Variants in CDH23 observed in about 807,000 individuals in gnomAD.
CDH23 encodes cadherin related 23.
CDH23 carries 189 observed loss-of-function variants against 317.1 expected under a neutral mutation model. That is an observed-to-expected ratio of 0.60 (90% CI 0.53 to 0.67). The LOEUF (loss-of-function observed/expected upper bound fraction) is 0.67. Ranked by LOEUF, CDH23 falls within the 30% of genes least tolerant of loss-of-function variation. The probability of loss-of-function intolerance (pLI) is 0.00; values close to 1 mark genes in which losing one functional copy is unlikely to be tolerated. For missense variants in CDH23, 4,401 were observed against 4,592.4 expected (o/e 0.96, Z 1.20); for synonymous variants, 1,839 against 1,876.8 (o/e 0.98, Z 0.52).
rs370014467 is a variant in CDH23, at chr10:71,645,888, A to T, written c.1198A>T (p.Ile400Phe). The change falls in exon 13 of 70, where the codon ATC becomes TTC. Residue 400 changes from isoleucine to phenylalanine, a missense_variant. Ile to Phe is a conservative substitution (Grantham distance 21). Transcript: ENST00000224721. ...GGGGAACAACTCCCACCACTTCATC[A>T]TCTCCCCGACCTCCGTCCAGGGGAA... is the stretch of plus-strand genomic sequence containing the variant. Reference protein sequence around the residue: ...LVGNNSHHFIISPTSVQGKAD... With the variant: ...LVGNNSHHFIFSPTSVQGKAD... The T allele has an allele frequency of 2.1e-5, 34 of 1,613,416 alleles. No individual in the cohort carries two copies. The highest frequency in any genetic ancestry group is 2.8e-5 in the Non-Finnish European group (33 of 1,179,580).
chr10:71,670,418 A>G (rs1206557303), intron 14 of CDH23, among the ~76,000 whole-genome samples: 1 of 152,200 alleles, frequency 6.6e-6, no homozygotes, highest in Non-Finnish European at 1.5e-5. Flanking sequence ...CACAGGGAGG[A>G]AAGTGGGGCA....
At chr10:71,661,094 T>C (rs10999937) in intron 14 of CDH23, among the ~76,000 whole-genome samples, 14,413 of 152,148 alleles carry the variant, frequency 0.095, 1,627 homozygotes, top group African/African-American at 0.25. Flanking sequence ...GGCACGAACC[T>C]CCTTGTCTGC....
chr10:71,805,895 G>A lies in CDH23; in HGVS notation c.7962G>A (p.Lys2654=), dbSNP rs1589433551. 18 of 1,613,804 alleles carry A rather than the reference G, an allele frequency of 1.1e-5. No individual in the cohort carries two copies. Among genetic ancestry groups the A allele is most frequent in the Non-Finnish European group, 1.5e-5 (18 of 1,179,844 alleles). The change falls in exon 56 of 70, where the codon AAG becomes AAA. Residue 2654 remains lysine, a synonymous_variant. Transcript: ENST00000224721. ...GGGCGGTGCGCTACAGCTTCCTGAAGACTGCGGGCAACCGGGACTGGGAGT... is the reference window on the plus strand; with the variant it reads ...GGGCGGTGCGCTACAGCTTCCTGAAAACTGCGGGCAACCGGGACTGGGAGT... ...LNGAVRYSFL[K]TAGNRDWEFF... is the part of the protein sequence containing the mutation.
intron 11 of CDH23, among the ~76,000 whole-genome samples, chr10:71,625,693 G>T (rs1055127391): frequency 6.6e-6 from 1 of 152,118 alleles, no homozygotes; most frequent in African/African-American, 2.4e-5. Context: ...CCCTCCCCAC[G>T]CAGCTCTGCA....
intron 45 of CDH23, among the ~76,000 whole-genome samples, chr10:71,789,676 TC>T (rs1337028035): frequency 6.6e-6 from 1 of 152,168 alleles, no homozygotes; most frequent in Non-Finnish European, 1.5e-5. Flanking sequence ...CCCGTGTGTG[TC>T]CATACCAAGG....
intron 3 of CDH23, among the ~76,000 whole-genome samples, chr10:71,480,840 G>A (rs1247875269): frequency 6.6e-6 from 1 of 152,026 alleles, no homozygotes; most frequent in Non-Finnish European, 1.5e-5. Flanking sequence ...GGGTGGACTC[G>A]ATAGCACTTG....
At chr10:71,464,435 C>T (rs1315737756) in intron 3 of CDH23, among the ~76,000 whole-genome samples, 1 of 152,188 alleles carries the variant, frequency 6.6e-6, no homozygotes, top group East Asian at 1.9e-4. Context: ...GTCTCCCTAC[C>T]TGCAGGGATG....
At chr10:71,814,566 G>A (rs747592826) in intron 69 of CDH23, among the ~76,000 whole-genome samples, 54 of 152,200 alleles carry the variant, frequency 3.5e-4, no homozygotes, top group Non-Finnish European at 7.1e-4. Flanking sequence ...GGCTGAGGCC[G>A]GAGAATCACT....
chr10:71,593,504 A>G (rs551545308), intron 9 of CDH23, among the ~76,000 whole-genome samples: 1 of 152,376 alleles, frequency 6.6e-6, no homozygotes, highest in East Asian at 1.9e-4. Context: ...ATCAGAATAT[A>G]TAGACAAAGT....
chr10:71,807,184 A>C, intron 57 of CDH23, 93 bp from the exon 58 acceptor site: 1 of 1,485,506 alleles, frequency 6.7e-7, no homozygotes, highest in African/African-American at 1.4e-5. Flanking sequence ...CTCCCTCAGC[A>C]CCTACAAAGT....
chr10:71,712,930 GGGTCCGCT>G (rs1866040976), intron 28 of CDH23, 117 bp downstream of exon 28: 1 of 1,247,344 alleles, frequency 8.0e-7, no homozygotes, highest in East Asian at 2.5e-5. Flanking sequence ...GGCCCAGGGT[GGGTCCGCT>G]GCTCTGGAAG....
chr10:71,448,861 TG>T (rs1735188303), intron 3 of CDH23, among the ~76,000 whole-genome samples: 2 of 152,072 alleles, frequency 1.3e-5, no homozygotes, highest in African/African-American at 4.8e-5. Flanking sequence ...GTGGGCTCCA[TG>T]GGTGCAGGCC....
At chr10:71,798,675 G>T in intron 50 of CDH23, 97 bp downstream of exon 50, 1 of 952,456 alleles carries the variant, frequency 1.0e-6, no homozygotes, top group Non-Finnish European at 1.5e-6. Context: ...CTCCTCAGTG[G>T]ACTGGGCCAG....
chr10:71,659,349 C>T (rs1863548104), intron 14 of CDH23, among the ~76,000 whole-genome samples: 1 of 152,210 alleles, frequency 6.6e-6, no homozygotes, highest in African/African-American at 2.4e-5. Context: ...CAGAAGCAGC[C>T]ACTGGGAACT....
chr10:71,631,749 A>G (rs1274675345), intron 11 of CDH23, among the ~76,000 whole-genome samples: 3 of 152,210 alleles, frequency 2.0e-5, no homozygotes, highest in Non-Finnish European at 4.4e-5. Context: ...GAGGGATGCC[A>G]GAGGTCCCCT....
At chr10:71,806,029 T>C (rs780166456) in intron 56 of CDH23, 32 bp downstream of exon 56, 7 of 1,489,556 alleles carry the variant, frequency 4.7e-6, no homozygotes, top group East Asian at 4.8e-5. Flanking sequence ...AGGGGCGGGG[T>C]CTGGGGCGGG....
At chr10:71,522,872 G>T (rs1358021198) in intron 6 of CDH23, among the ~76,000 whole-genome samples, 1 of 152,180 alleles carries the variant, frequency 6.6e-6, no homozygotes, top group Non-Finnish European at 1.5e-5. Flanking sequence ...TCCATCCTCA[G>T]TGTAGTCCTT....
intron 9 of CDH23, among the ~76,000 whole-genome samples, chr10:71,600,798 G>A (rs1432185149): frequency 6.6e-6 from 1 of 152,160 alleles, no homozygotes; most frequent in African/African-American, 2.4e-5. Flanking sequence ...TTACAGGCTT[G>A]AGCCACCATG....
At chr10:71,475,748 G>C (rs948174796) in intron 3 of CDH23, among the ~76,000 whole-genome samples, 3 of 152,240 alleles carry the variant, frequency 2.0e-5, no homozygotes, top group Admixed American at 6.5e-5. Flanking sequence ...GACAGGGTTG[G>C]GGATTGCAGC....
Sources: allele counts gnomAD v4.1 joint callset (sites outside exome capture counted in the v4.1 genomes callset), GRCh38; gene constraint gnomAD v4.1.1; transcripts MANE v1.5; gene names NCBI Gene and HGNC (gene_info 2026-07-23, HGNC 2026-07-21).